CEP83: variants seen among roughly 807,000 people sequenced by gnomAD.
CEP83 encodes the protein centrosomal protein 83.
CEP83 carries 70 observed loss-of-function variants against 101.9 expected under a neutral mutation model. The ratio of observed to expected loss-of-function variants is 0.69; its 90% CI spans 0.57 to 0.84. The LOEUF (loss-of-function observed/expected upper bound fraction) is 0.84. Among genes scored for constraint, CEP83 ranks in the 40% least tolerant of loss-of-function variants. The probability of loss-of-function intolerance (pLI) is 0.00; values close to 1 mark genes in which losing one functional copy is unlikely to be tolerated. For missense variants in CEP83, 715 were observed against 787.2 expected, an observed-to-expected ratio of 0.91 and a Z score of 1.10; for synonymous variants, 264 against 267.9, an observed-to-expected ratio of 0.99 and a Z score of 0.14.
intron 11 of CEP83, among the ~76,000 whole-genome samples, chr12:94,362,374 C>T (rs181688961): frequency 6.6e-6 from 1 of 152,158 alleles, no homozygotes; most frequent in Non-Finnish European, 1.5e-5. Context: ...AATCTCAGTA[C>T]TTTGGGAGGC....
intron 1 of CEP83, among the ~76,000 whole-genome samples, chr12:94,448,608 T>C (rs2066982484): frequency 6.6e-6 from 1 of 152,140 alleles, no homozygotes; most frequent in Non-Finnish European, 1.5e-5. Context: ...ATGGAATTAG[T>C]CATCCGAACA....
At chr12:94,417,907 G>A (rs1018150861) in intron 2 of CEP83, among the ~76,000 whole-genome samples, 1 of 152,114 alleles carries the variant, frequency 6.6e-6, no homozygotes, top group African/African-American at 2.4e-5. Context: ...ATGATGACAG[G>A]AATGTTATGG....
At chr12:94,326,559 G>A (rs2058982396) in intron 14 of CEP83, among the ~76,000 whole-genome samples, 1 of 152,132 alleles carries the variant, frequency 6.6e-6, no homozygotes, top group African/African-American at 2.4e-5. Flanking sequence ...AATGATTGCT[G>A]GTATTGGAAA....
At chr12:94,366,240 A>G (rs1276271737) in intron 11 of CEP83, among the ~76,000 whole-genome samples, 1 of 152,166 alleles carries the variant, frequency 6.6e-6, no homozygotes, top group Non-Finnish European at 1.5e-5. Context: ...GTATGGACTC[A>G]AAACAGAATA....
At chr12:94,437,047 C>G (rs2066045211) in intron 1 of CEP83, among the ~76,000 whole-genome samples, 1 of 151,746 alleles carries the variant, frequency 6.6e-6, no homozygotes, top group African/African-American at 2.4e-5. Context: ...TCTAGACATC[C>G]AAATACAAGC....
the CEP83 span, among the ~76,000 whole-genome samples, chr12:94,289,371 A>C: frequency 1.3e-5 from 2 of 152,204 alleles, no homozygotes; most frequent in African/African-American, 4.8e-5. Flanking sequence ...GCTTGTTGTC[A>C]CATCGAATCC....
chr12:94,451,093 T>C (rs901966431), intron 1 of CEP83, among the ~76,000 whole-genome samples: 7 of 152,176 alleles, frequency 4.6e-5, no homozygotes, highest in African/African-American at 1.4e-4. Flanking sequence ...TTTTAACAAA[T>C]GGTACTGGAT....
At chr12:94,275,859 A>C in the CEP83 span, among the ~76,000 whole-genome samples, 1 of 83,274 alleles carries the variant, frequency 1.2e-5, no homozygotes, top group Admixed American at 1.3e-4. Flanking sequence ...CGTCTCAAAA[A>C]AAAAAAAAAA....
rs118155615 is a variant in CEP83, at chr12:94,321,652, A to G, written c.1708-8635T>C. 8.3e-4 allele frequency among the ~76,000 whole-genome samples: 126 copies of G among 151,584 alleles called. 1 individual carries two copies. In the East Asian group the frequency reaches 0.022, roughly 26 times the overall value. On this transcript the variant is annotated intron_variant, in intron 14 of 16. Transcript: ENST00000397809. Reference sequence around the variant, plus strand: ...AACAGTCTGGCCACTTTTCTGAGGTAGGTGCTTTGTGTTGGGCATCCGTAC... The same window carrying G: ...AACAGTCTGGCCACTTTTCTGAGGTGGGTGCTTTGTGTTGGGCATCCGTAC...
At chr12:94,390,030 T>C (rs1478381956) in intron 6 of CEP83, among the ~76,000 whole-genome samples, 1 of 152,160 alleles carries the variant, frequency 6.6e-6, no homozygotes, top group Non-Finnish European at 1.5e-5. Context: ...ACCACCTCTG[T>C]GGGTGGGGCA....
intron 11 of CEP83, among the ~76,000 whole-genome samples, chr12:94,354,137 G>A (rs1274593990): frequency 6.6e-6 from 1 of 151,968 alleles, no homozygotes; most frequent in African/African-American, 2.4e-5. Flanking sequence ...GGACTTCACA[G>A]ACACTTGTAA....
intron 2 of CEP83, among the ~76,000 whole-genome samples, chr12:94,422,680 C>G (rs2064851007): frequency 6.6e-6 from 1 of 152,202 alleles, no homozygotes; most frequent in Non-Finnish European, 1.5e-5. Flanking sequence ...TCCACCTGAT[C>G]CAGAACATAT....
intron 4 of CEP83, among the ~76,000 whole-genome samples, chr12:94,405,462 A>G (rs551944887): frequency 6.6e-6 from 1 of 152,212 alleles, no homozygotes; most frequent in Non-Finnish European, 1.5e-5. Flanking sequence ...TAGATAAAAC[A>G]AGCCTGGCTC....
chr12:94,384,904 T>C (rs2062048097), intron 6 of CEP83, among the ~76,000 whole-genome samples: 1 of 152,214 alleles, frequency 6.6e-6, no homozygotes, highest in South Asian at 2.1e-4. Context: ...CATCTATTAG[T>C]GTGTTTTACA....
At chr12:94,360,941 A>G (rs187364018) in intron 11 of CEP83, among the ~76,000 whole-genome samples, 73 of 152,348 alleles carry the variant, frequency 4.8e-4, no homozygotes, top group Middle Eastern at 3.4e-3. Flanking sequence ...AGAAGTCAAA[A>G]ATAATTCCAC....
chr12:94,276,377 C>G, the CEP83 span, among the ~76,000 whole-genome samples: 3 of 150,212 alleles, frequency 2.0e-5, no homozygotes, highest in African/African-American at 7.3e-5. Flanking sequence ...ACCCCTCCCA[C>G]TGGTGTGGGG....
At chr12:94,282,163 G>C in the CEP83 span, 268 of 632,752 alleles carry the variant, frequency 4.2e-4, no homozygotes, top group African/African-American at 3.9e-3. Flanking sequence ...CAGGCTACCA[G>C]TCTGGCTGAT....
chr12:94,374,480 A>C (rs1351671556), intron 8 of CEP83, among the ~76,000 whole-genome samples: 1 of 152,178 alleles, frequency 6.6e-6, no homozygotes, highest in African/African-American at 2.4e-5. Context: ...CCATATCCTG[A>C]ATTTACTTGT....
At chr12:94,416,377 C>G (rs527490398) in intron 2 of CEP83, among the ~76,000 whole-genome samples, 80 of 152,104 alleles carry the variant, frequency 5.3e-4, no homozygotes, top group Non-Finnish European at 8.7e-4. Context: ...CCTGGGTTTT[C>G]TTTTTCATAT....
Sources: gnomAD v4.1 joint callset for allele counts (sites outside exome capture counted in the v4.1 genomes callset) on GRCh38, gnomAD v4.1.1 for gene constraint, MANE v1.5 for transcripts, NCBI Gene and HGNC (gene_info 2026-07-23, HGNC 2026-07-21) for gene names.